Variants in VPS13D observed in about 807,000 individuals in gnomAD.
VPS13D encodes the protein intermembrane lipid transfer protein VPS13D.
In VPS13D, 187 loss-of-function variants were observed where a neutral mutation model predicts 461.9. The ratio of observed to expected loss-of-function variants is 0.40; its 90% CI spans 0.36 to 0.46. The LOEUF (loss-of-function observed/expected upper bound fraction) is 0.46. Ranked by LOEUF, VPS13D falls within the 20% of genes least tolerant of loss-of-function variation. VPS13D has a pLI of 0.60. For synonymous variants in VPS13D, 1,951 were observed against 1,986.3 expected (o/e 0.98, Z 0.47); for missense variants, 4,711 against 5,364.9 (o/e 0.88, Z 3.81).
intron 65 of VPS13D, among the ~76,000 whole-genome samples, chr1:12,421,093 C>T (rs1485551956): frequency 6.6e-6 from 1 of 152,186 alleles, no homozygotes; most frequent in African/African-American, 2.4e-5. Flanking sequence ...AGGAAATAAC[C>T]TATGCCCTTT....
In VPS13D at chr1:12,304,502, C is replaced by T; in HGVS notation, c.6217-4C>T. 6.2e-7 allele frequency: 1 copy of T among 1,611,408 alleles called. No individual in the cohort carries two copies. Among genetic ancestry groups the T allele is most frequent in the East Asian group, 2.2e-5 (1 of 44,794 alleles). Reference sequence around the variant, plus strand: ...CATTCTAGTTTTATTTTGTTCCTTCCCAGGAATCTGTGCCTTCAGCTTCCC... The same window carrying T: ...CATTCTAGTTTTATTTTGTTCCTTCTCAGGAATCTGTGCCTTCAGCTTCCC... On this transcript the variant is annotated splice_region_variant and splice_polypyrimidine_tract_variant and intron_variant, in intron 25 of 69. Coordinates refer to ENST00000620676, the MANE Select transcript of VPS13D (RefSeq NM_015378.4).
rs542850763 is a variant in VPS13D, at chr1:12,416,730, A to G, written c.12236A>G (p.Asn4079Ser). 5.0e-6 allele frequency: 8 copies of G among 1,613,972 alleles called. No homozygotes were observed. The highest frequency in any genetic ancestry group is 1.7e-5 in the Admixed American group (1 of 59,990). Residue 4079 changes from asparagine to serine, a missense_variant, in exon 65 of 70, where the codon AAT (asparagine) becomes AGT (serine). Physicochemically the swap from Asn to Ser is conservative, Grantham distance 46. This residue lies in a region of VPS13D where 106 missense variants were observed against 206.2 expected (regional missense o/e 0.51). Coordinates refer to ENST00000620676, the MANE Select transcript of VPS13D (RefSeq NM_015378.4). ...CTTGGCAATCCTATGGGGCTTTTGA[A>G]TGATGTTTCTGAAGGGGTTACTGGA... is the stretch of plus-strand genomic sequence containing the variant. ...DFLGNPMGLL[N>S]DVSEGVTGLI...
At chr1:12,424,934 T>C (rs1038471484) in intron 65 of VPS13D, among the ~76,000 whole-genome samples, 3 of 152,204 alleles carry the variant, frequency 2.0e-5, no homozygotes, top group Admixed American at 6.5e-5. Flanking sequence ...TCTACCCTAG[T>C]GTAAACATGG....
chr1:12,336,040 G>C (rs1031069725), intron 39 of VPS13D: 4 of 572,480 alleles, frequency 7.0e-6, no homozygotes, highest in Non-Finnish European at 8.7e-6. Context: ...CCACCTTTGC[G>C]GGGGAGAAAA....
Position 12,299,996 on chromosome 1 carries a change from A to G in VPS13D, c.6216+612A>G, listed in dbSNP as rs984732168. On this transcript the variant is annotated intron_variant, in intron 25 of 69. Coordinates refer to ENST00000620676, the MANE Select transcript of VPS13D (RefSeq NM_015378.4). The surrounding 1 kb of genome is among the most constrained non-coding windows in gnomAD (Gnocchi z 4.2). ...GCACCCAGATAGCATAGTACCCAAT[A>G]GGTAGTTTTCCGACCCATTCCCCCC... 1.1e-4 allele frequency among the ~76,000 whole-genome samples: 17 copies of G among 151,284 alleles called. No homozygotes were observed. Among genetic ancestry groups the G allele is most frequent in the African/African-American group, 3.9e-4 (16 of 41,098 alleles).
intron 29 of VPS13D, 114 bp downstream of exon 29, chr1:12,312,039 TCTGCAG>T: frequency 4.8e-6 from 4 of 828,978 alleles, no homozygotes; most frequent in South Asian, 1.7e-5. Context: ...TGGAATGTTG[TCTGCAG>T]AGTGTCTTTT....
At chr1:12,400,956 G>GCA (rs1306287901) in intron 61 of VPS13D, among the ~76,000 whole-genome samples, 30 of 38,886 alleles carry the variant, frequency 7.7e-4, no homozygotes, top group African/African-American at 2.3e-3. Context: ...GTGCACCTGC[G>GCA]CGCGCGCACA....
At chr1:12,262,184 GA>G (rs1641131442) in intron 13 of VPS13D, 104 bp downstream of exon 13, 1 of 1,280,798 alleles carries the variant, frequency 7.8e-7, no homozygotes, top group Non-Finnish European at 1.1e-6. Flanking sequence ...AAGTCAGTGC[GA>G]AAACTGTATT....
intron 2 of VPS13D, among the ~76,000 whole-genome samples, chr1:12,241,989 C>T (rs934369289): frequency 2.0e-5 from 3 of 151,954 alleles, no homozygotes; most frequent in Non-Finnish European, 2.9e-5. Flanking sequence ...AAATATTAGC[C>T]TAAGCAAGGG....
chr1:12,239,828 C>T lies in VPS13D; in HGVS notation c.98-2685C>T, dbSNP rs1640286141. 2.0e-5 allele frequency among the ~76,000 whole-genome samples: 3 copies of T among 152,140 alleles called. No individual in the cohort carries two copies. In the South Asian group the frequency reaches 6.2e-4, roughly 32 times the overall value. On this transcript the variant is annotated intron_variant, in intron 2 of 69. Transcript: ENST00000620676. ...TGAGATGAGGAGTTTTTGGATGAGACATCCGTGAGTAAGTCTGTAATGTCT... is the reference window on the plus strand; with the variant it reads ...TGAGATGAGGAGTTTTTGGATGAGATATCCGTGAGTAAGTCTGTAATGTCT...
intron 63 of VPS13D, chr1:12,409,980 A>G (rs1644702307): frequency 6.7e-6 from 3 of 450,552 alleles, no homozygotes; most frequent in Admixed American, 4.8e-5. Context: ...GAAGCCAAGC[A>G]GAAAGCAGCT....
At chr1:12,281,966 T>C (rs9430722) in intron 20 of VPS13D, among the ~76,000 whole-genome samples, 30,988 of 151,706 alleles carry the variant, frequency 0.2, 5,635 homozygotes, top group African/African-American at 0.48. Flanking sequence ...CAGCTCACTG[T>C]GTCCTGCACC....
intron 65 of VPS13D, among the ~76,000 whole-genome samples, chr1:12,436,052 CA>C (rs1645056342): frequency 6.6e-6 from 1 of 152,174 alleles, no homozygotes; most frequent in Admixed American, 6.5e-5. Context: ...AGCAAGTTCA[CA>C]ACTATGTATG....
chr1:12,414,208 C>T (rs1296809210), intron 63 of VPS13D, among the ~76,000 whole-genome samples: 1 of 151,802 alleles, frequency 6.6e-6, no homozygotes, highest in African/African-American at 2.4e-5. Context: ...CGCGTGAGCC[C>T]AGGAGGTCAA....
At chr1:12,408,258 A>G (rs1230564304) in intron 63 of VPS13D, among the ~76,000 whole-genome samples, 1 of 152,236 alleles carries the variant, frequency 6.6e-6, no homozygotes, top group Non-Finnish European at 1.5e-5. Flanking sequence ...TCTAAAATCA[A>G]GTAGCTAGCC....
rs182433287 is a variant in VPS13D, at chr1:12,310,709, C to T, written c.6651-745C>T. The stretch of plus-strand genomic sequence containing the variant: ...TCTTTGTGAGTCTCATGAGGTTTTC[C>T]TTATTAATAGATTAGTTACCTCATA... On this transcript the variant is annotated intron_variant, in intron 27 of 69. Coordinates refer to ENST00000620676, the MANE Select transcript of VPS13D (RefSeq NM_015378.4). Among the ~76,000 whole-genome samples the T allele has an allele frequency of 2.2e-4, 33 of 152,228 alleles. 1 individual carries two copies. In the East Asian group the frequency reaches 6.4e-3, roughly 29 times the overall value.
chr1:12,310,362 A>G (rs905164351), intron 27 of VPS13D, among the ~76,000 whole-genome samples: 3 of 152,036 alleles, frequency 2.0e-5, no homozygotes, highest in African/African-American at 7.3e-5. Context: ...TTTCTTATAT[A>G]CCTCTGCCAT....
chr1:12,443,926 A>G (rs1410877351), intron 65 of VPS13D, among the ~76,000 whole-genome samples: 2 of 150,092 alleles, frequency 1.3e-5, no homozygotes, highest in Non-Finnish European at 3.0e-5. Context: ...GCTCACTGCA[A>G]CCTCCACCTC....
intron 68 of VPS13D, among the ~76,000 whole-genome samples, chr1:12,503,352 CTT>C (rs572978868): frequency 6.9e-6 from 1 of 145,854 alleles, no homozygotes; most frequent in Non-Finnish European, 1.5e-5. Flanking sequence ...TCTTCTTCTT[CTT>C]TTTTTTTTTA....
Sources: gnomAD v4.1 joint callset for allele counts (sites outside exome capture counted in the v4.1 genomes callset) on GRCh38, gnomAD v4.1.1 for gene constraint, gnomAD v4.1.1 regional missense constraint, Gnocchi (gnomAD v3.1) non-coding constraint, MANE v1.5 for transcripts, NCBI Gene and HGNC (gene_info 2026-07-23, HGNC 2026-07-21) for gene names.